The following RSPO3 variants were observed in gnomAD, a reference collection of about 807,000 sequenced individuals.
RSPO3 encodes R-spondin 3, also known as R-spondin-3.
RSPO3 carries 17 observed loss-of-function variants against 36.5 expected under a neutral mutation model. The observed-to-expected ratio is 0.47, with a 90% confidence interval of 0.32 to 0.70. The LOEUF is 0.70. Among genes scored for constraint, RSPO3 ranks in the 30% least tolerant of loss-of-function variants. RSPO3 has a pLI of 0.04. For synonymous variants in RSPO3, 108 were observed against 107.0 expected, an observed-to-expected ratio of 1.01 and a Z score of -0.06; for missense variants, 294 against 322.5, an observed-to-expected ratio of 0.91 and a Z score of 0.68.
rs536857920 is a variant in RSPO3, at chr6:127,164,462, A to G, written c.634+9024A>G. On this transcript the variant is annotated intron_variant, in intron 4 of 4. Coordinates refer to ENST00000356698, the MANE Select transcript of RSPO3 (RefSeq NM_032784.5). Reference sequence around the variant, plus strand: ...AACCAAAGTTTTTTCTGTCTATTTCAGACTAAACACACGTTCAGGATAATG... The same window carrying G: ...AACCAAAGTTTTTTCTGTCTATTTCGGACTAAACACACGTTCAGGATAATG... 1.2e-4 allele frequency among the ~76,000 whole-genome samples: 19 copies of G among 152,234 alleles called. No individual in the cohort carries two copies. The East Asian group carries it at 3.3e-3, about 26-fold the overall frequency.
intron 4 of RSPO3, among the ~76,000 whole-genome samples, chr6:127,185,330 C>A (rs1346036760): frequency 1.3e-5 from 2 of 151,922 alleles, no homozygotes; most frequent in African/African-American, 4.8e-5. Flanking sequence ...TGAAATACTC[C>A]CCTTATCATA....
chr6:127,136,156 A>C (rs1401989307), intron 1 of RSPO3, among the ~76,000 whole-genome samples: 1 of 152,138 alleles, frequency 6.6e-6, no homozygotes. Context: ...AGATGGTTCC[A>C]AGGGTTGACC....
intron 1 of RSPO3, among the ~76,000 whole-genome samples, chr6:127,139,812 T>C (rs1190498293): frequency 2.0e-5 from 3 of 152,036 alleles, no homozygotes; most frequent in Non-Finnish European, 2.9e-5. Context: ...CTTGGGAACA[T>C]GGCCACTTGG....
chr6:127,167,404 A>G (rs1265263514), intron 4 of RSPO3, among the ~76,000 whole-genome samples: 1 of 151,978 alleles, frequency 6.6e-6, no homozygotes, highest in Non-Finnish European at 1.5e-5. Context: ...TAGTTTGCTG[A>G]GGATAACAGC....
At chr6:127,170,175 T>C (rs1283096074) in intron 4 of RSPO3, among the ~76,000 whole-genome samples, 3 of 151,766 alleles carry the variant, frequency 2.0e-5, no homozygotes, top group African/African-American at 7.3e-5. Flanking sequence ...CTCCTGGTAA[T>C]AGATTGCTTG....
At chr6:127,171,581 G>T (rs1443234279) in intron 4 of RSPO3, among the ~76,000 whole-genome samples, 1 of 151,648 alleles carries the variant, frequency 6.6e-6, no homozygotes, top group Non-Finnish European at 1.5e-5. Context: ...AACATATACT[G>T]TATACATAAC....
chr6:127,192,017 C>A lies in RSPO3; in HGVS notation c.635-3806C>A, dbSNP rs551850648. 1.1e-4 allele frequency among the ~76,000 whole-genome samples: 17 copies of A among 152,330 alleles called. No homozygotes were observed. In the South Asian group the frequency reaches 1.7e-3, roughly 15 times the overall value. On this transcript the variant is annotated intron_variant, in intron 4 of 4. Transcript: ENST00000356698. ...GTGCATGTTCACTGCCTGGCATGCA[C>A]TTCTTCCCTCATCAGCCTAGCAAAC...
At chr6:127,148,923 T>A in intron 2 of RSPO3, 84 bp downstream of exon 2, 1 of 1,018,044 alleles carries the variant, frequency 9.8e-7, no homozygotes, top group East Asian at 2.4e-5. Context: ...ATTTGTGATA[T>A]TCAATGTTAA....
chr6:127,123,532 A>G (rs2114534694), intron 1 of RSPO3, among the ~76,000 whole-genome samples: 1 of 152,274 alleles, frequency 6.6e-6, no homozygotes, highest in East Asian at 1.9e-4. Context: ...AAATTTAATC[A>G]TCATTACATT....
chr6:127,171,191 T>C (rs1043540068), intron 4 of RSPO3, among the ~76,000 whole-genome samples: 3 of 151,952 alleles, frequency 2.0e-5, no homozygotes, highest in Admixed American at 2.0e-4. Flanking sequence ...GTTATAATCA[T>C]GGTAAAATCT....
chr6:127,138,535 C>A (rs1364230572), intron 1 of RSPO3, among the ~76,000 whole-genome samples: 1 of 152,130 alleles, frequency 6.6e-6, no homozygotes, highest in Non-Finnish European at 1.5e-5. Flanking sequence ...GATGATAACA[C>A]AGGATGAGTT....
chr6:127,128,705 C>A (rs1023939630), intron 1 of RSPO3, among the ~76,000 whole-genome samples: 1 of 152,030 alleles, frequency 6.6e-6, no homozygotes, highest in Non-Finnish European at 1.5e-5. Context: ...TATTGTTGAA[C>A]AAGAGTATTA....
chr6:127,127,251 C>A (rs922850574), intron 1 of RSPO3, among the ~76,000 whole-genome samples: 9 of 152,038 alleles, frequency 5.9e-5, no homozygotes, highest in African/African-American at 1.9e-4. Flanking sequence ...AAACAGCAGT[C>A]CTTTCTCATT....
chr6:127,125,814 G>A (rs1350912065), intron 1 of RSPO3, among the ~76,000 whole-genome samples: 1 of 152,036 alleles, frequency 6.6e-6, no homozygotes, highest in Non-Finnish European at 1.5e-5. Context: ...TTAGGCTCAG[G>A]GTTAGGGAGC....
chr6:127,187,205 G>GTT (rs1216218062), intron 4 of RSPO3, among the ~76,000 whole-genome samples: 1 of 152,012 alleles, frequency 6.6e-6, no homozygotes, highest in African/African-American at 2.4e-5. Context: ...TATTTTGAGA[G>GTT]GACTAGGTCC....
At chr6:127,146,761 A>G (rs1230346484) in intron 1 of RSPO3, among the ~76,000 whole-genome samples, 2 of 151,902 alleles carry the variant, frequency 1.3e-5, no homozygotes, top group Non-Finnish European at 2.9e-5. Context: ...GTTGAGGTCC[A>G]CTCTTCTATA....
chr6:127,154,333 A>G (rs1321463331), intron 3 of RSPO3, among the ~76,000 whole-genome samples: 1 of 152,166 alleles, frequency 6.6e-6, no homozygotes, highest in Non-Finnish European at 1.5e-5. Context: ...TAGCACCTTG[A>G]GATGTTTCTT....
intron 3 of RSPO3, among the ~76,000 whole-genome samples, chr6:127,152,540 T>C (rs1774510612): frequency 6.6e-6 from 1 of 152,150 alleles, no homozygotes; most frequent in South Asian, 2.1e-4. Context: ...TTCAGTGCTG[T>C]AATTAGTAGC....
At chr6:127,133,687 A>T (rs1443676451) in intron 1 of RSPO3, among the ~76,000 whole-genome samples, 1 of 152,110 alleles carries the variant, frequency 6.6e-6, no homozygotes, top group Admixed American at 6.6e-5. Context: ...TTGCACATTC[A>T]TGGAAGTTTT....
Sources: gnomAD v4.1 joint callset for allele counts (sites outside exome capture counted in the v4.1 genomes callset) on GRCh38, gnomAD v4.1.1 for gene constraint, MANE v1.5 for transcripts, NCBI Gene and HGNC (gene_info 2026-07-23, HGNC 2026-07-21) for gene names.